The following VTI1A variants were observed in gnomAD, a reference collection of about 807,000 sequenced individuals.
VTI1A encodes vesicle transport through interaction with t-SNAREs homolog 1A.
In VTI1A, 22 loss-of-function variants were observed where a neutral mutation model predicts 34.9. The observed-to-expected ratio is 0.63, with a 90% CI of 0.45 to 0.90. VTI1A has a LOEUF of 0.90. Among genes scored for constraint, VTI1A ranks in the 40% least tolerant of loss-of-function variants. The pLI, the probability that VTI1A is intolerant of heterozygous loss-of-function variation, is 0.00. For missense variants in VTI1A, 268 were observed against 275.6 expected (o/e 0.97, Z 0.20); for synonymous variants, 87 against 97.3 (o/e 0.89, Z 0.62).
At chr10:112,527,060 T>A in intron 3 of VTI1A, 27 bp from the exon 4 acceptor site, 1 of 1,609,192 alleles carries the variant, frequency 6.2e-7, no homozygotes, top group Non-Finnish European at 8.5e-7. Context: ...TTCCTCTCAC[T>A]CTCTCCCTTT....
At chr10:112,624,654 C>T (rs1350868153) in intron 5 of VTI1A, among the ~76,000 whole-genome samples, 1 of 151,998 alleles carries the variant, frequency 6.6e-6, no homozygotes, top group Non-Finnish European at 1.5e-5. Flanking sequence ...TGGCTCAAAC[C>T]TCATAACCTT....
chr10:112,718,019 A>C (rs963062481), intron 7 of VTI1A, among the ~76,000 whole-genome samples: 3 of 152,182 alleles, frequency 2.0e-5, no homozygotes, highest in African/African-American at 7.2e-5. Context: ...CACACACACA[A>C]ACCACAAAAC....
the VTI1A span, among the ~76,000 whole-genome samples, chr10:112,847,664 G>A: frequency 6.6e-6 from 1 of 152,126 alleles, no homozygotes; most frequent in Non-Finnish European, 1.5e-5. Context: ...AGAAGACCAG[G>A]CCCTGACTTC....
rs2134000962 is a variant in VTI1A, at chr10:112,756,862, C to T, written c.561-58428C>T. Among the ~76,000 whole-genome samples, 2 of 152,096 alleles carry T rather than the reference C, an allele frequency of 1.3e-5. 1 individual carries two copies. Among genetic ancestry groups the T allele is most frequent in the South Asian group, 4.2e-4 (2 of 4,814 alleles). On this transcript the variant is annotated intron_variant, in intron 7 of 7. Coordinates refer to ENST00000393077, the MANE Select transcript of VTI1A (RefSeq NM_145206.4). ...CAGAGCTCAAAACCAGCCTGGGCAA[C>T]ATGGCAAAACCCTGTCTCTACAAAA...
intron 7 of VTI1A, among the ~76,000 whole-genome samples, chr10:112,683,153 G>A (rs1417781998): frequency 6.6e-6 from 1 of 152,188 alleles, no homozygotes; most frequent in African/African-American, 2.4e-5. Context: ...GTAGATGAAT[G>A]CAAAGAATCT....
At chr10:112,688,581 G>A (rs1430064670) in intron 7 of VTI1A, among the ~76,000 whole-genome samples, 1 of 149,044 alleles carries the variant, frequency 6.7e-6, no homozygotes, top group African/African-American at 2.5e-5. Context: ...AAGTGCAGTG[G>A]CGCAATCTTG....
At chr10:112,491,333 A>G (rs981781671) in intron 3 of VTI1A, among the ~76,000 whole-genome samples, 2 of 152,240 alleles carry the variant, frequency 1.3e-5, no homozygotes, top group African/African-American at 4.8e-5. Context: ...GACTAATCTC[A>G]GTGAAGTTAC....
intron 3 of VTI1A, chr10:112,485,293 AAAAAAAG>A (rs1347251595): frequency 2.0e-5 from 3 of 152,060 alleles, no homozygotes; most frequent in Non-Finnish European, 4.4e-5. Context: ...AAAAAAAAAG[AAAAAAAG>A]AAAAAAGAAA....
intron 3 of VTI1A, among the ~76,000 whole-genome samples, chr10:112,471,125 C>T (rs1032832315): frequency 3.3e-5 from 5 of 152,002 alleles, no homozygotes; most frequent in African/African-American, 9.7e-5. Flanking sequence ...AAAAATACAC[C>T]AAAGAAGTAT....
chr10:112,840,816 G>A, the VTI1A span, among the ~76,000 whole-genome samples: 9 of 152,292 alleles, frequency 5.9e-5, no homozygotes, highest in Non-Finnish European at 1.2e-4. Flanking sequence ...GGGGAAGGAG[G>A]CCACTAGTAT....
chr10:112,789,951 C>A (rs1450953061), intron 7 of VTI1A, among the ~76,000 whole-genome samples: 1 of 110,058 alleles, frequency 9.1e-6, no homozygotes, highest in South Asian at 2.9e-4. Flanking sequence ...TTTTTTCTTT[C>A]CTTTTTTTTT....
chr10:112,460,226 C>G (rs1354813302), intron 1 of VTI1A, among the ~76,000 whole-genome samples: 1 of 152,198 alleles, frequency 6.6e-6, no homozygotes, highest in Non-Finnish European at 1.5e-5. Context: ...CAAATCTGCT[C>G]TTGTTGACTT....
intron 5 of VTI1A, among the ~76,000 whole-genome samples, chr10:112,599,116 TAAAG>T (rs1378205156): frequency 1.3e-5 from 2 of 152,140 alleles, no homozygotes; most frequent in South Asian, 2.1e-4. Flanking sequence ...ACTTCTCTGA[TAAAG>T]AAAAATGAGA....
At chr10:112,823,494 G>A (rs963728830), downstream of VTI1A, 2 of 152,178 alleles carry the variant, frequency 1.3e-5, no homozygotes, top group Non-Finnish European at 2.9e-5. Context: ...TGGAGCAGCA[G>A]ACATTTTCAA....
intron 5 of VTI1A, among the ~76,000 whole-genome samples, chr10:112,623,386 T>A (rs2134580012): frequency 6.6e-6 from 1 of 152,194 alleles, no homozygotes; most frequent in African/African-American, 2.4e-5. Context: ...TGTGTGTATG[T>A]ATATATACGT....
At chr10:112,547,811 T>A (rs1323832221) in intron 5 of VTI1A, among the ~76,000 whole-genome samples, 1 of 152,204 alleles carries the variant, frequency 6.6e-6, no homozygotes, top group Non-Finnish European at 1.5e-5. Flanking sequence ...TTAATGAGAA[T>A]TAGATAATTC....
chr10:112,470,756 G>A (rs564243830), intron 3 of VTI1A, among the ~76,000 whole-genome samples: 1 of 152,270 alleles, frequency 6.6e-6, no homozygotes, highest in Admixed American at 6.5e-5. Context: ...GCCGGGCATG[G>A]TGGCGCACAC....
chr10:112,569,103 TGAG>T (rs1179218089), intron 5 of VTI1A, among the ~76,000 whole-genome samples: 2 of 151,466 alleles, frequency 1.3e-5, no homozygotes, highest in Non-Finnish European at 2.9e-5. Context: ...TGCAGTGGGC[TGAG>T]ATCGTGCCAC....
chr10:112,543,104 T>A (rs1377309736), intron 5 of VTI1A, among the ~76,000 whole-genome samples: 2 of 152,206 alleles, frequency 1.3e-5, no homozygotes, highest in Non-Finnish European at 2.9e-5. Flanking sequence ...TCGTTCCAAG[T>A]CTTTGCTATT....
Sources: allele counts gnomAD v4.1 joint callset (sites outside exome capture counted in the v4.1 genomes callset), GRCh38; gene constraint gnomAD v4.1.1; transcripts MANE v1.5; gene names NCBI Gene and HGNC (gene_info 2026-07-23, HGNC 2026-07-21).